Variants in OTUD7A observed in about 807,000 individuals in gnomAD.
OTUD7A encodes OTU deubiquitinase 7A, also known as OTU domain-containing protein 7A.
A neutral mutation model predicts 65.7 loss-of-function variants in OTUD7A; 12 were observed. The ratio of observed to expected loss-of-function variants is 0.18; its 90% CI spans 0.12 to 0.30. The LOEUF (loss-of-function observed/expected upper bound fraction) is 0.30. Ranked by LOEUF, OTUD7A falls within the 10% of genes least tolerant of loss-of-function variation. The pLI, the probability that OTUD7A is intolerant of heterozygous loss-of-function variation, is 1.00. For missense variants in OTUD7A, 1,148 were observed against 1,304.8 expected (o/e 0.88, Z 1.85); for synonymous variants, 641 against 586.3 (o/e 1.09, Z -1.35).
At chr15:31,833,242 G>A (rs1896978520) in intron 1 of OTUD7A, among the ~76,000 whole-genome samples, 1 of 152,186 alleles carries the variant, frequency 6.6e-6, no homozygotes, top group Admixed American at 6.5e-5. Context: ...GAGAATTGAG[G>A]CAGAGAATGC....
chr15:31,576,853 G>A (rs1053604299), intron 3 of OTUD7A, among the ~76,000 whole-genome samples: 1 of 152,132 alleles, frequency 6.6e-6, no homozygotes, highest in African/African-American at 2.4e-5. Context: ...AACCCTCTCT[G>A]GGCCAAGAGG....
At chr15:31,555,769 C>G (rs1007569029) in intron 5 of OTUD7A, among the ~76,000 whole-genome samples, 3 of 151,894 alleles carry the variant, frequency 2.0e-5, no homozygotes, top group African/African-American at 7.3e-5. Context: ...GGGTCAGGTT[C>G]ATGCTATCAC....
intron 3 of OTUD7A, among the ~76,000 whole-genome samples, chr15:31,628,465 T>C (rs1566950671): frequency 6.6e-6 from 1 of 152,224 alleles, no homozygotes; most frequent in Non-Finnish European, 1.5e-5. Context: ...TCTGTTTTGG[T>C]ACCAGTACCA....
chr15:31,678,436 C>G (rs1253691687), intron 1 of OTUD7A, among the ~76,000 whole-genome samples: 3 of 152,218 alleles, frequency 2.0e-5, no homozygotes, highest in Non-Finnish European at 4.4e-5. Flanking sequence ...GAGGTCTTCA[C>G]AGCAGCCCCT....
chr15:31,520,165 G>C (rs1325744250), intron 8 of OTUD7A, among the ~76,000 whole-genome samples: 1 of 151,072 alleles, frequency 6.6e-6, no homozygotes, highest in Non-Finnish European at 1.5e-5. Context: ...AACTAAAAAG[G>C]AGCCTGTCTA....
intron 1 of OTUD7A, among the ~76,000 whole-genome samples, chr15:31,750,498 G>GA (rs141315470): frequency 3.5e-4 from 50 of 144,324 alleles, no homozygotes; most frequent in East Asian, 2.4e-3. Context: ...TGCAGAATTA[G>GA]AAAAAAAAAT....
chr15:31,836,252 A>T (rs1336268685), intron 1 of OTUD7A, among the ~76,000 whole-genome samples: 1 of 152,174 alleles, frequency 6.6e-6, no homozygotes, highest in East Asian at 1.9e-4. Flanking sequence ...GCTCTCTCTA[A>T]TGCAGAATTG....
At chr15:31,826,232 T>C (rs1485095744) in intron 1 of OTUD7A, among the ~76,000 whole-genome samples, 1 of 152,256 alleles carries the variant, frequency 6.6e-6, no homozygotes, top group Non-Finnish European at 1.5e-5. Context: ...GCAGCAAACT[T>C]CTGTCTGGGC....
At chr15:31,818,052 TCTC>T (rs761407762) in intron 1 of OTUD7A, among the ~76,000 whole-genome samples, 14 of 152,072 alleles carry the variant, frequency 9.2e-5, no homozygotes, top group Non-Finnish European at 1.3e-4. Flanking sequence ...TGCCCTTCTA[TCTC>T]CCCCCAACTG....
At chr15:31,520,308 G>C (rs911420355) in intron 8 of OTUD7A, among the ~76,000 whole-genome samples, 1 of 152,158 alleles carries the variant, frequency 6.6e-6, no homozygotes, top group African/African-American at 2.4e-5. Flanking sequence ...CAATGGAACA[G>C]AATACATAAC....
At chr15:31,844,263 T>C (rs1421807943) in intron 1 of OTUD7A, among the ~76,000 whole-genome samples, 1 of 152,148 alleles carries the variant, frequency 6.6e-6, no homozygotes, top group Non-Finnish European at 1.5e-5. Context: ...TCCCAGCTCT[T>C]TGGGAGGCTG....
In OTUD7A at chr15:31,484,868, C is replaced by T; in HGVS notation, c.1372-144G>A. 1 of 1,415,400 alleles carries T rather than the reference C, an allele frequency of 7.1e-7. No homozygotes were observed. Among genetic ancestry groups the T allele is most frequent in the Non-Finnish European group, 9.3e-7 (1 of 1,074,638 alleles). The allele number at this position is 1,415,400 out of a possible 1,614,324, so 87.7% of individuals were successfully genotyped here. ...CCAGTCCCCACTGTCGCTCTGGTGA[C>T]TGTGACATCCGGATGGGCGGTGCTG... On this transcript the variant is annotated intron_variant, in intron 12 of 12. Coordinates refer to ENST00000307050, the MANE Select transcript of OTUD7A (RefSeq NM_001382637.1). The surrounding 1 kb of genome is among the most constrained non-coding windows in gnomAD (Gnocchi z 4.5).
chr15:31,497,411 AG>A (rs1323075302), intron 10 of OTUD7A, among the ~76,000 whole-genome samples: 26 of 152,112 alleles, frequency 1.7e-4, no homozygotes, highest in African/African-American at 6.3e-4. Flanking sequence ...TGCCATGCCC[AG>A]ATAATTTTTT....
intron 3 of OTUD7A, among the ~76,000 whole-genome samples, chr15:31,599,587 CA>C (rs1192649611): frequency 6.6e-6 from 1 of 152,136 alleles, no homozygotes; most frequent in African/African-American, 2.4e-5. Context: ...TCTTCTCCTC[CA>C]AAGGATCACA....
intron 1 of OTUD7A, among the ~76,000 whole-genome samples, chr15:31,703,720 T>C (rs1361715559): frequency 1.3e-5 from 2 of 151,286 alleles, no homozygotes; most frequent in Non-Finnish European, 2.9e-5. Flanking sequence ...TGAGCACTTA[T>C]CCTAGAGAAA....
intron 1 of OTUD7A, among the ~76,000 whole-genome samples, chr15:31,753,246 T>TC (rs763685637): frequency 6.6e-6 from 1 of 151,070 alleles, no homozygotes. Flanking sequence ...TTAAGCAAAC[T>TC]CCCAAAAAAA....
chr15:31,791,643 G>A (rs1895818856), intron 1 of OTUD7A, among the ~76,000 whole-genome samples: 1 of 152,168 alleles, frequency 6.6e-6, no homozygotes. Context: ...CTTTGTGCTG[G>A]CTGGCCTTTG....
At chr15:31,637,790 A>G (rs1891387305) in intron 3 of OTUD7A, among the ~76,000 whole-genome samples, 2 of 152,330 alleles carry the variant, frequency 1.3e-5, no homozygotes, top group Middle Eastern at 3.4e-3. Flanking sequence ...GGAAGAATTA[A>G]CTGCAGATGT....
intron 1 of OTUD7A, among the ~76,000 whole-genome samples, chr15:31,865,966 C>T (rs1324254358): frequency 6.6e-6 from 1 of 152,062 alleles, no homozygotes; most frequent in Non-Finnish European, 1.5e-5. Flanking sequence ...ATAAGGAAAA[C>T]GAGATTAAGA....
Sources: allele counts gnomAD v4.1 joint callset (sites outside exome capture counted in the v4.1 genomes callset), GRCh38; gene constraint gnomAD v4.1.1; non-coding constraint Gnocchi (gnomAD v3.1); transcripts MANE v1.5; gene names NCBI Gene and HGNC (gene_info 2026-07-23, HGNC 2026-07-21).